The following PDE4D variants were observed in gnomAD, a reference collection of about 807,000 sequenced individuals.
The protein encoded by PDE4D is phosphodiesterase 4D.
A neutral mutation model predicts 87.4 loss-of-function variants in PDE4D; 24 were observed. That is an observed-to-expected ratio of 0.27 (90% CI 0.20 to 0.39). PDE4D has a LOEUF of 0.39. PDE4D is among the 10% of genes least tolerant of loss of function. The pLI is 1.00. For synonymous variants in PDE4D, 384 were observed against 383.2 expected (o/e 1.00, Z -0.02); for missense variants, 714 against 1,041.0 (o/e 0.69, Z 4.32).
At chr5:60,114,168 C>G (rs965605068) in intron 2 of PDE4D, among the ~76,000 whole-genome samples, 15 of 152,092 alleles carry the variant, frequency 9.9e-5, no homozygotes, top group African/African-American at 3.1e-4. Flanking sequence ...TTCATAGACT[C>G]AGTACACAAT....
chr5:59,600,465 A>G (rs1827339778), intron 1 of PDE4D, among the ~76,000 whole-genome samples: 1 of 152,186 alleles, frequency 6.6e-6, no homozygotes, highest in Non-Finnish European at 1.5e-5. Context: ...ACCTCTTAAT[A>G]ACCTACCCTG....
intron 1 of PDE4D, among the ~76,000 whole-genome samples, chr5:59,698,469 G>A (rs576820492): frequency 6.6e-6 from 1 of 151,564 alleles, no homozygotes; most frequent in African/African-American, 2.4e-5. Flanking sequence ...CAAGCAGAAG[G>A]AAAGAGATCT....
At chr5:60,318,471 T>C (rs1021479929) in intron 1 of PDE4D, among the ~76,000 whole-genome samples, 1 of 152,246 alleles carries the variant, frequency 6.6e-6, no homozygotes, top group Non-Finnish European at 1.5e-5. Flanking sequence ...ATTGAAGCAG[T>C]TAGCCCATTT....
At chr5:59,307,523 A>C (rs1463403743) in intron 1 of PDE4D, among the ~76,000 whole-genome samples, 1 of 152,222 alleles carries the variant, frequency 6.6e-6, no homozygotes, top group Non-Finnish European at 1.5e-5. Context: ...AGAAAAAAAC[A>C]AACAACCCCA....
intron 1 of PDE4D, among the ~76,000 whole-genome samples, chr5:59,332,156 A>T (rs907108895): frequency 6.6e-6 from 1 of 152,204 alleles, no homozygotes; most frequent in Non-Finnish European, 1.5e-5. Context: ...TATTTCAAAC[A>T]ATTATTATTT....
Position 60,478,525 on chromosome 5 carries a change from A to G in PDE4D, c.-90+9417T>C, listed in dbSNP as rs563152675. Among the ~76,000 whole-genome samples, 4 of 152,338 alleles carry G rather than the reference A, an allele frequency of 2.6e-5. No homozygotes were observed. In the East Asian group the frequency reaches 7.7e-4, roughly 29 times the overall value. ...TTCCTTCCTTCATCTTTAAAACATT[A>G]ACTACCTTCTTGTATATATACCAGA... On this transcript the variant is annotated intron_variant, in intron 1 of 16. Coordinates refer to the PDE4D transcript ENST00000502484.
chr5:59,880,439 T>C (rs1749276454), intron 1 of PDE4D, among the ~76,000 whole-genome samples: 1 of 152,160 alleles, frequency 6.6e-6, no homozygotes, highest in South Asian at 2.1e-4. Flanking sequence ...CAAAAAGATG[T>C]AGTGACAAAA....
chr5:60,048,248 C>T (rs1275622210), intron 2 of PDE4D, among the ~76,000 whole-genome samples: 12 of 152,048 alleles, frequency 7.9e-5, no homozygotes, highest in Middle Eastern at 3.2e-3. Context: ...TTATTTTGAG[C>T]CTATGTGTGT....
intron 3 of PDE4D, among the ~76,000 whole-genome samples, chr5:59,190,537 G>A (rs978727564): frequency 7.9e-5 from 12 of 152,092 alleles, no homozygotes; most frequent in African/African-American, 2.9e-4. Context: ...GTCCTTTGGT[G>A]AAAGCAATTA....
chr5:59,011,908 G>C (rs1275024071), intron 6 of PDE4D, among the ~76,000 whole-genome samples: 1 of 152,198 alleles, frequency 6.6e-6, no homozygotes, highest in Non-Finnish European at 1.5e-5. Flanking sequence ...CAGAGAGAAA[G>C]GTCGGGTTAC....
intron 1 of PDE4D, among the ~76,000 whole-genome samples, chr5:59,840,917 G>C (rs904023400): frequency 3.9e-5 from 6 of 152,018 alleles, no homozygotes; most frequent in African/African-American, 1.4e-4. Context: ...CTTGAAGAAA[G>C]ATTACTTATT....
At chr5:59,546,008 A>G (rs1295297000) in intron 1 of PDE4D, among the ~76,000 whole-genome samples, 1 of 152,184 alleles carries the variant, frequency 6.6e-6, no homozygotes, top group Non-Finnish European at 1.5e-5. Flanking sequence ...TAATGTTAAT[A>G]GCAAAAATAT....
intron 1 of PDE4D, among the ~76,000 whole-genome samples, chr5:59,636,043 G>A (rs1832197459): frequency 6.6e-6 from 1 of 152,022 alleles, no homozygotes; most frequent in Admixed American, 6.6e-5. Flanking sequence ...AAAGTCTCAG[G>A]ATAAAAACTC....
In PDE4D at chr5:59,038,845, G is replaced by A. The variant is rs1759053060; in HGVS notation, c.921+14C>T. 6.6e-7 allele frequency: 1 copy of A among 1,513,002 alleles called. No individual in the cohort carries two copies. The highest frequency in any genetic ancestry group is 8.9e-7 in the Non-Finnish European group (1 of 1,127,040). The allele number at this position is 1,513,002 out of a possible 1,614,324, so 93.7% of individuals were successfully genotyped here. On this transcript the variant is annotated intron_variant, in intron 6 of 14. Coordinates refer to ENST00000340635, the MANE Select transcript of PDE4D (RefSeq NM_001104631.2). ...CAGCCTGGGGGCACCAGTGACAGCA[G>A]AACCGGGGCTTACCTTGTTGGAGGC... is the stretch of plus-strand genomic sequence containing the variant.
intron 1 of PDE4D, among the ~76,000 whole-genome samples, chr5:59,748,854 G>A (rs1025059460): frequency 3.3e-5 from 5 of 152,140 alleles, no homozygotes; most frequent in African/African-American, 1.2e-4. Flanking sequence ...CACAAACAGT[G>A]AGGAACTGAA....
At chr5:59,880,010 A>G (rs1441557087) in intron 1 of PDE4D, among the ~76,000 whole-genome samples, 1 of 152,188 alleles carries the variant, frequency 6.6e-6, no homozygotes, top group Non-Finnish European at 1.5e-5. Context: ...AAGTGCTGGC[A>G]TTGCAAGCGT....
Position 60,018,312 on chromosome 5 carries a change from C to T in PDE4D, c.43-29595G>A, listed in dbSNP as rs114032372. On this transcript the variant is annotated intron_variant, in intron 2 of 16. Transcript: ENST00000502484. ...AAATGATGAGGGAATTAGTCACCAC[C>T]AGGCCTGCCTTGCAAGAGCTCCTGA... Among the ~76,000 whole-genome samples the T allele has an allele frequency of 7.6e-3, 1,157 of 152,180 alleles. 10 individuals carry two copies. Among genetic ancestry groups the T allele is most frequent in the Non-Finnish European group, 0.013 (895 of 68,002 alleles).
At chr5:59,900,056 A>G (rs545544833) in intron 3 of PDE4D, among the ~76,000 whole-genome samples, 29 of 152,242 alleles carry the variant, frequency 1.9e-4, no homozygotes, top group African/African-American at 6.7e-4. Flanking sequence ...CCTGGCCAAC[A>G]TGGTGAAACC....
chr5:60,026,791 T>C (rs1296690734), intron 2 of PDE4D, among the ~76,000 whole-genome samples: 2 of 152,214 alleles, frequency 1.3e-5, no homozygotes, highest in African/African-American at 4.8e-5. Context: ...TGATTTGCCG[T>C]GGCATTTAAA....
Sources: allele counts gnomAD v4.1 joint callset (sites outside exome capture counted in the v4.1 genomes callset), GRCh38; gene constraint gnomAD v4.1.1; transcripts MANE v1.5; gene names NCBI Gene and HGNC (gene_info 2026-07-23, HGNC 2026-07-21).